KSR2: variants seen among roughly 807,000 people sequenced by gnomAD.
KSR2 encodes kinase suppressor of ras 2.
KSR2 carries 25 observed loss-of-function variants against 107.8 expected under a neutral mutation model. The observed-to-expected ratio is 0.23, with a 90% confidence interval of 0.17 to 0.32. The LOEUF is 0.32. Among genes scored for constraint, KSR2 ranks in the 10% least tolerant of loss-of-function variants. The probability of loss-of-function intolerance (pLI) is 1.00; values close to 1 mark genes in which losing one functional copy is unlikely to be tolerated. For missense variants in KSR2, 887 were observed against 1,268.9 expected (o/e 0.70, Z 4.57); for synonymous variants, 480 against 507.0 (o/e 0.95, Z 0.71).
intron 3 of KSR2, among the ~76,000 whole-genome samples, chr12:117,852,383 G>A (rs747258496): frequency 2.6e-5 from 4 of 151,602 alleles, no homozygotes; most frequent in South Asian, 2.1e-4. Context: ...AGCCGAGGTC[G>A]CACCACTGCA....
intron 1 of KSR2, among the ~76,000 whole-genome samples, chr12:117,940,029 T>C (rs1895963656): frequency 6.6e-6 from 1 of 151,530 alleles, no homozygotes; most frequent in Non-Finnish European, 1.5e-5. Context: ...GATCAGATGG[T>C]AATGAGGTAC....
intron 4 of KSR2, among the ~76,000 whole-genome samples, chr12:117,730,834 C>T (rs570658): frequency 0.85 from 129,319 of 152,078 alleles, 55,361 homozygotes; most frequent in East Asian, 1. Flanking sequence ...GGCTGGAGTG[C>T]AGTGGCCTGA....
intron 16 of KSR2, among the ~76,000 whole-genome samples, chr12:117,481,628 A>T (rs1261132731): frequency 6.6e-6 from 1 of 152,222 alleles, no homozygotes; most frequent in Non-Finnish European, 1.5e-5. Flanking sequence ...ATTGTGTTAT[A>T]GCAGCCCAAG....
At chr12:117,898,744 C>T (rs78221335) in intron 1 of KSR2, among the ~76,000 whole-genome samples, 2 of 150,378 alleles carry the variant, frequency 1.3e-5, no homozygotes, top group Non-Finnish European at 3.0e-5. Flanking sequence ...TACTATTCAG[C>T]CAAAAAAAAA....
In KSR2 at chr12:117,798,721, AT is replaced by A. The variant is rs771327056; in HGVS notation, c.473-37198del. ...TAGGCAAAAAGTCCAAAAAAAAAAA[AT>A]ATATATATATATATCAACCCAAAAT... is the stretch of plus-strand genomic sequence containing the variant. On this transcript the variant is annotated intron_variant, in intron 3 of 19. Coordinates refer to ENST00000339824, the MANE Select transcript of KSR2 (RefSeq NM_173598.6). 1.3e-3 allele frequency among the ~76,000 whole-genome samples: 76 copies of A among 59,176 alleles called. 1 individual carries two copies. The highest frequency in any genetic ancestry group is 5.8e-3 in the African/African-American group (41 of 7,096). 38.8% of individuals were successfully genotyped at this position (59,176 alleles called of 152,430 possible). A position where few individuals can be genotyped will look rare whatever the true frequency, so the allele number is the denominator to read the frequency against.
At position 117,947,205 on chromosome 12, in the gene KSR2, A is replaced by AAAAGAAAGAAAGAAAG. The variant is rs773449400; in HGVS notation, c.180+20855_180+20870dup. 5.5e-3 allele frequency among the ~76,000 whole-genome samples: 380 copies of AAAAGAAAGAAAGAAAG among 69,162 alleles called. 2 individuals carry two copies. The highest frequency in any genetic ancestry group is 8.6e-3 in the East Asian group (19 of 2,198). The allele number at this position is 69,162 out of a possible 152,430, so 45.4% of individuals were successfully genotyped here. ...AAGAAAGAAAAGAAAGAAAAGAAAG[A>AAAAGAAAGAAAGAAAG]AAAGAAAGAAAGAAAGAAAGAAAGA... On this transcript the variant is annotated intron_variant, in intron 1 of 19. Transcript: ENST00000339824.
chr12:117,685,889 A>AC (rs1885548919), intron 4 of KSR2, among the ~76,000 whole-genome samples: 1 of 149,908 alleles, frequency 6.7e-6, no homozygotes, highest in African/African-American at 2.5e-5. Flanking sequence ...TTTAATGCTG[A>AC]TTCCCCCCCT....
intron 9 of KSR2, among the ~76,000 whole-genome samples, chr12:117,554,619 A>G (rs1877531165): frequency 6.6e-6 from 1 of 152,256 alleles, no homozygotes; most frequent in East Asian, 1.9e-4. Context: ...GATGGGGAAT[A>G]AGCCTCACAA....
At position 117,968,302 on chromosome 12, in the gene KSR2, AAAAGAGGG is replaced by A; in HGVS notation, c.-55_-48del. The stretch of plus-strand genomic sequence containing the variant: ...CCCCTCCTCCTCCTCCCAGAGAGAA[AAAAGAGGG>A]GGGGGAGTAGAGGTAGTCTACCCTC... On this transcript the variant is annotated 5_prime_UTR_variant, in exon 1 of 20. Transcript: ENST00000339824. 1.0e-6 allele frequency: 1 copy of A among 1,002,748 alleles called. No individual in the cohort carries two copies. Among genetic ancestry groups the A allele is most frequent in the East Asian group, 4.3e-5 (1 of 23,310 alleles). 62.1% of individuals were successfully genotyped at this position (1,002,748 alleles called of 1,614,324 possible). A position where few individuals can be genotyped will look rare whatever the true frequency, so the allele number is the denominator to read the frequency against.
At chr12:117,498,215 C>A (rs1282491268) in intron 14 of KSR2, among the ~76,000 whole-genome samples, 1 of 152,102 alleles carries the variant, frequency 6.6e-6, no homozygotes, top group Non-Finnish European at 1.5e-5. Flanking sequence ...GCAGGTGACT[C>A]CGGAGATTCA....
intron 1 of KSR2, among the ~76,000 whole-genome samples, chr12:117,871,150 T>C (rs1593324858): frequency 6.6e-6 from 1 of 152,200 alleles, no homozygotes; most frequent in East Asian, 1.9e-4. Context: ...AGGAATGTGA[T>C]ATGGGTCCAA....
chr12:117,729,739 C>G (rs898740344), intron 4 of KSR2, among the ~76,000 whole-genome samples: 2 of 152,072 alleles, frequency 1.3e-5, no homozygotes, highest in Non-Finnish European at 2.9e-5. Context: ...ATTCATTGAG[C>G]CTTTAACAAT....
chr12:117,470,036 C>T (rs1350091463), intron 18 of KSR2, among the ~76,000 whole-genome samples: 1 of 152,016 alleles, frequency 6.6e-6, no homozygotes, highest in East Asian at 1.9e-4. Context: ...TGTATCTACA[C>T]ATCTACCCAT....
At chr12:117,914,623 C>A (rs1163338948) in intron 1 of KSR2, among the ~76,000 whole-genome samples, 3 of 152,148 alleles carry the variant, frequency 2.0e-5, no homozygotes, top group Non-Finnish European at 2.9e-5. Context: ...CAGCCTTGAA[C>A]CCCCAGGCTC....
At chr12:117,825,971 G>A (rs1181746718) in intron 3 of KSR2, among the ~76,000 whole-genome samples, 1 of 93,084 alleles carries the variant, frequency 1.1e-5, no homozygotes, top group Non-Finnish European at 2.2e-5. Context: ...GGGTGGGTGG[G>A]TAGGTGGGTG....
intron 1 of KSR2, among the ~76,000 whole-genome samples, chr12:117,921,838 C>G (rs1367482273): frequency 1.3e-5 from 2 of 151,986 alleles, no homozygotes; most frequent in Admixed American, 1.3e-4. Flanking sequence ...AATGTACCCA[C>G]GAGAAGATGC....
intron 10 of KSR2, 163 bp downstream of exon 10, chr12:117,539,556 G>T: frequency 1.7e-6 from 1 of 596,342 alleles, no homozygotes; most frequent in Non-Finnish European, 2.8e-6. Flanking sequence ...CTTAGGGTAC[G>T]ATAAGGGTCA....
intron 4 of KSR2, among the ~76,000 whole-genome samples, chr12:117,698,551 C>G (rs959827769): frequency 1.1e-4 from 17 of 152,068 alleles, no homozygotes; most frequent in Admixed American, 6.6e-5. Flanking sequence ...GTCTCAAACA[C>G]CTGGGCCCAA....
chr12:117,555,431 C>A, intron 8 of KSR2, 138 bp from the exon 9 acceptor site: 1 of 808,988 alleles, frequency 1.2e-6, no homozygotes, highest in Admixed American at 2.3e-5. Flanking sequence ...GATAATGATT[C>A]TGTGGTGGGA....
Sources: allele counts gnomAD v4.1 joint callset (sites outside exome capture counted in the v4.1 genomes callset), GRCh38; gene constraint gnomAD v4.1.1; transcripts MANE v1.5; gene names NCBI Gene and HGNC (gene_info 2026-07-23, HGNC 2026-07-21).